IL12RB2: variants seen among roughly 807,000 people sequenced by gnomAD.
The protein encoded by IL12RB2 is interleukin 12 receptor subunit beta 2.
A neutral mutation model predicts 89.4 loss-of-function variants in IL12RB2; 82 were observed. The ratio of observed to expected loss-of-function variants is 0.92; its 90% CI spans 0.77 to 1.10. The LOEUF (loss-of-function observed/expected upper bound fraction) is 1.10. IL12RB2 is among the 50% of genes least tolerant of loss of function. The pLI, the probability that IL12RB2 is intolerant of heterozygous loss-of-function variation, is 0.00. For missense variants in IL12RB2, 963 were observed against 1,031.9 expected (o/e 0.93, Z 0.92); for synonymous variants, 368 against 370.1 (o/e 0.99, Z 0.07).
At chr1:67,364,494 T>A (rs533659641) in intron 10 of IL12RB2, among the ~76,000 whole-genome samples, 49 of 152,320 alleles carry the variant, frequency 3.2e-4, no homozygotes, top group Admixed American at 3.1e-3. Flanking sequence ...CTGGAGTAGC[T>A]GTATTAATTT....
intron 1 of IL12RB2, among the ~76,000 whole-genome samples, chr1:67,308,272 GC>G (rs1654544737): frequency 6.6e-6 from 1 of 152,046 alleles, no homozygotes; most frequent in Non-Finnish European, 1.5e-5. Context: ...TACTCTCTGG[GC>G]CGGGGCACAG....
In IL12RB2 at chr1:67,397,117, ACT is replaced by A. The variant is rs1444318373; in HGVS notation, c.*1031_*1032del. ...ACTCCAGCCTGGGCAACAGAGCAAG[ACT>A]CTGTCTCAAAAAAGAAAAAAAAAAA... On this transcript the variant is annotated 3_prime_UTR_variant, in exon 17 of 17. Coordinates refer to ENST00000674203, the MANE Select transcript of IL12RB2 (RefSeq NM_001374259.2). Among the ~76,000 whole-genome samples, 3 of 149,246 alleles carry A rather than the reference ACT, an allele frequency of 2.0e-5. No individual in the cohort carries two copies. The highest frequency in any genetic ancestry group is 3.0e-5 in the Non-Finnish European group (2 of 67,456).
intron 3 of IL12RB2, among the ~76,000 whole-genome samples, 189 bp downstream of exon 3, chr1:67,320,633 A>C (rs1656367969): frequency 6.6e-6 from 1 of 152,220 alleles, no homozygotes; most frequent in Non-Finnish European, 1.5e-5. Context: ...CTAATGATTA[A>C]TATAAGGGTC....
chr1:67,376,803 T>G (rs1664038138), intron 13 of IL12RB2, among the ~76,000 whole-genome samples: 1 of 152,146 alleles, frequency 6.6e-6, no homozygotes, highest in African/African-American at 2.4e-5. Context: ...ACTCCCAGAG[T>G]TAAGGATGCC....
Position 67,351,102 on chromosome 1 carries a change from T to A in IL12RB2, c.1258+13T>A, listed in dbSNP as rs369561807. ...CTGTGTGAGGCAGGTAAGTTCTAAT[T>A]TTTCTTTAACATTGCCTGTGGAAAA... is the stretch of plus-strand genomic sequence containing the variant. On this transcript the variant is annotated intron_variant, in intron 10 of 16. Transcript: ENST00000674203. The A allele has an allele frequency of 3.7e-5, 59 of 1,611,918 alleles. No homozygotes were observed. The highest frequency in any genetic ancestry group is 4.7e-5 in the Non-Finnish European group (56 of 1,179,698).
At chr1:67,317,164 G>C (rs1356615629) in intron 2 of IL12RB2, among the ~76,000 whole-genome samples, 2 of 152,192 alleles carry the variant, frequency 1.3e-5, no homozygotes, top group Non-Finnish European at 2.9e-5. Flanking sequence ...ACGGGCAGGA[G>C]TATAAGCAGC....
intron 5 of IL12RB2, 132 bp from the exon 6 acceptor site, chr1:67,328,068 T>A: frequency 1.4e-6 from 1 of 731,878 alleles, no homozygotes; most frequent in East Asian, 2.6e-5. Flanking sequence ...CCGGGGTGTA[T>A]CCCCTAGTCA....
chr1:67,357,323 A>G (rs898784180), intron 10 of IL12RB2, among the ~76,000 whole-genome samples: 2 of 152,246 alleles, frequency 1.3e-5, no homozygotes, highest in African/African-American at 2.4e-5. Context: ...GGTTGCAGTG[A>G]GCCAAGATCA....
At chr1:67,352,950 AC>A (rs1211915265) in intron 10 of IL12RB2, among the ~76,000 whole-genome samples, 1 of 152,216 alleles carries the variant, frequency 6.6e-6, no homozygotes, top group Non-Finnish European at 1.5e-5. Context: ...GCAATATGTA[AC>A]AAACTTTAAA....
chr1:67,346,068 T>G (rs1044865442), intron 9 of IL12RB2, among the ~76,000 whole-genome samples: 3 of 152,096 alleles, frequency 2.0e-5, no homozygotes, highest in Non-Finnish European at 2.9e-5. Flanking sequence ...ATCTAGGAAG[T>G]GCTAGCATGG....
chr1:67,330,590 T>C (rs1443425334), intron 7 of IL12RB2, 70 bp from the exon 8 acceptor site: 48 of 765,614 alleles, frequency 6.3e-5, no homozygotes, highest in Admixed American at 1.0e-4. Flanking sequence ...TTTTTTTTCA[T>C]TTTATGTTAA....
In IL12RB2 at chr1:67,320,376, A is replaced by T. The variant is rs928038394; in HGVS notation, c.8A>T (p.His3Leu). 1.2e-6 allele frequency: 2 copies of T among 1,613,992 alleles called. No homozygotes were observed. Among genetic ancestry groups the T allele is most frequent in the Admixed American group, 1.7e-5 (1 of 60,026 alleles). The change falls in exon 3 of 17, where the codon CAT (histidine) becomes CTT (leucine). Residue 3 changes from histidine (H) to leucine (L), a missense_variant. Coordinates refer to ENST00000674203, the MANE Select transcript of IL12RB2 (RefSeq NM_001374259.2). MA[H>L]TFRGCSLAFM... ...TACCAGAGTTGATTGTTGATGGCACATACTTTTAGAGGATGCTCATTGGCA... is the reference window on the plus strand; with the variant it reads ...TACCAGAGTTGATTGTTGATGGCACTTACTTTTAGAGGATGCTCATTGGCA...
Position 67,396,148 on chromosome 1 carries a change from T to A in IL12RB2, c.*59T>A. ...CCTCAACCAGCACAGCCTGCCCCAA[T>A]TCCCCCAGCCCCTGCTCCAGCAGCT... On this transcript the variant is annotated 3_prime_UTR_variant, in exon 17 of 17. Coordinates refer to ENST00000674203, the MANE Select transcript of IL12RB2 (RefSeq NM_001374259.2). 1.0e-6 allele frequency: 1 copy of A among 978,188 alleles called. No individual in the cohort carries two copies. The highest frequency in any genetic ancestry group is 2.4e-5 in the East Asian group (1 of 41,894). The allele number at this position is 978,188 out of a possible 1,614,324, so 60.6% of individuals were successfully genotyped here.
intron 8 of IL12RB2, among the ~76,000 whole-genome samples, chr1:67,338,081 C>A (rs1230135264): frequency 2.0e-5 from 3 of 151,602 alleles, no homozygotes; most frequent in African/African-American, 4.8e-5. Flanking sequence ...GTAATCCCGG[C>A]ACTTTGGGAG....
intron 10 of IL12RB2, among the ~76,000 whole-genome samples, chr1:67,351,533 G>A (rs1170614773): frequency 6.6e-6 from 1 of 152,112 alleles, no homozygotes; most frequent in African/African-American, 2.4e-5. Flanking sequence ...ATGGTGGTGT[G>A]TACCTATGGT....
intron 9 of IL12RB2, among the ~76,000 whole-genome samples, chr1:67,349,151 T>C (rs1463154840): frequency 6.6e-6 from 1 of 152,186 alleles, no homozygotes; most frequent in Non-Finnish European, 1.5e-5. Context: ...TTTACTATTA[T>C]ATCAAATGAG....
chr1:67,381,439 ACTT>A (rs1225229721), intron 14 of IL12RB2, among the ~76,000 whole-genome samples: 5 of 152,114 alleles, frequency 3.3e-5, no homozygotes, highest in Admixed American at 2.0e-4. Context: ...AATTGACAAG[ACTT>A]CTTCTTATCT....
chr1:67,341,566 A>C, intron 9 of IL12RB2, among the ~76,000 whole-genome samples: 1 of 81,282 alleles, frequency 1.2e-5, no homozygotes, highest in Non-Finnish European at 2.9e-5. Flanking sequence ...AAAGAAAGAA[A>C]GAAAGAAAGA....
At chr1:67,332,388 G>C (rs975752873) in intron 8 of IL12RB2, among the ~76,000 whole-genome samples, 3 of 151,856 alleles carry the variant, frequency 2.0e-5, no homozygotes, top group African/African-American at 7.3e-5. Context: ...GCTAATTTTT[G>C]TTATTTTCAG....
Sources: gnomAD v4.1 joint callset for allele counts (sites outside exome capture counted in the v4.1 genomes callset) on GRCh38, gnomAD v4.1.1 for gene constraint, MANE v1.5 for transcripts, NCBI Gene and HGNC (gene_info 2026-07-23, HGNC 2026-07-21) for gene names.